LIMS1: variants seen among roughly 807,000 people sequenced by gnomAD.
The protein encoded by LIMS1 is LIM and senescent cell antigen-like-containing domain protein 1.
Under a neutral mutation model 44.1 loss-of-function variants are expected in LIMS1, and 18 were observed. The observed-to-expected ratio is 0.41, with a 90% confidence interval of 0.28 to 0.61. LIMS1 has a LOEUF of 0.61. Among genes scored for constraint, LIMS1 ranks in the 20% least tolerant of loss-of-function variants. The pLI is 0.32. For missense variants in LIMS1, 201 were observed against 422.0 expected, an observed-to-expected ratio of 0.48 and a Z score of 4.59; for synonymous variants, 93 against 149.1, an observed-to-expected ratio of 0.62 and a Z score of 2.74.
At chr2:108,643,147 C>T (rs898208830) in intron 1 of LIMS1, among the ~76,000 whole-genome samples, 1 of 152,208 alleles carries the variant, frequency 6.6e-6, no homozygotes, top group Non-Finnish European at 1.5e-5. Flanking sequence ...AAAGACCCAA[C>T]TTAGCCATGA....
At chr2:108,546,431 G>A (rs1684484489) in intron 1 of LIMS1, among the ~76,000 whole-genome samples, 1 of 151,938 alleles carries the variant, frequency 6.6e-6, no homozygotes, top group South Asian at 2.1e-4. Context: ...ACAGGTGTGA[G>A]CCACGGTGCC....
At chr2:108,645,910 C>T (rs772758164) in intron 1 of LIMS1, among the ~76,000 whole-genome samples, 1 of 151,652 alleles carries the variant, frequency 6.6e-6, no homozygotes, top group Non-Finnish European at 1.5e-5. Flanking sequence ...AAGGGCATTA[C>T]ATAATGGTAG....
chr2:108,677,381 T>C (rs1573622042), intron 7 of LIMS1: 2 of 153,356 alleles, frequency 1.3e-5, no homozygotes, highest in Admixed American at 1.3e-4. Flanking sequence ...TGGCAGGGCA[T>C]CTTCTCAGAA....
At chr2:108,642,801 G>A (rs1433881481) in intron 1 of LIMS1, among the ~76,000 whole-genome samples, 3 of 152,166 alleles carry the variant, frequency 2.0e-5, no homozygotes, top group Non-Finnish European at 4.4e-5. Flanking sequence ...TTTGTATTTG[G>A]CCATGGCTTA....
At chr2:108,609,865 G>A (rs149843847) in intron 1 of LIMS1, among the ~76,000 whole-genome samples, 3,055 of 152,060 alleles carry the variant, frequency 0.02, 61 homozygotes, top group African/African-American at 0.047. Flanking sequence ...TTTATTGGCC[G>A]GGCGCGGTGG....
intron 1 of LIMS1, among the ~76,000 whole-genome samples, chr2:108,568,882 A>AT (rs953621160): frequency 2.4e-4 from 36 of 151,682 alleles, no homozygotes; most frequent in Non-Finnish European, 4.1e-4. Context: ...AGGCTATTTG[A>AT]TTTTTTTTGG....
chr2:108,605,253 G>GTACCCACTGTCCAGT (rs1280293321), intron 1 of LIMS1, among the ~76,000 whole-genome samples: 4 of 152,292 alleles, frequency 2.6e-5, no homozygotes, highest in Non-Finnish European at 5.9e-5. Flanking sequence ...TGGTCCATGT[G>GTACCCACTGTCCAGT]GTACACTGTG....
chr2:108,610,937 A>C (rs796335254), intron 1 of LIMS1, among the ~76,000 whole-genome samples: 1 of 152,148 alleles, frequency 6.6e-6, no homozygotes, highest in East Asian at 1.9e-4. Context: ...GTCCTCACCT[A>C]GCTTCCCCTC....
At chr2:108,682,017 ATTCAT>A (rs149642306) in intron 9 of LIMS1, among the ~76,000 whole-genome samples, 3,899 of 152,258 alleles carry the variant, frequency 0.026, 124 homozygotes, top group South Asian at 0.14. Context: ...CTGTTTATGA[ATTCAT>A]TTCCTCAATG....
At chr2:108,538,448 T>C (rs531294834) in intron 1 of LIMS1, among the ~76,000 whole-genome samples, 1 of 152,262 alleles carries the variant, frequency 6.6e-6, no homozygotes, top group African/African-American at 2.4e-5. Context: ...AAGAGTGCAT[T>C]CTGTGAGAGG....
intron 1 of LIMS1, among the ~76,000 whole-genome samples, chr2:108,542,029 A>G (rs1362198092): frequency 6.6e-6 from 1 of 152,262 alleles, no homozygotes; most frequent in Non-Finnish European, 1.5e-5. Flanking sequence ...TATCCAAAGA[A>G]AAACAAGCTG....
chr2:108,611,866 TA>T (rs571147971), intron 1 of LIMS1, among the ~76,000 whole-genome samples: 2,914 of 142,540 alleles, frequency 0.02, 51 homozygotes, highest in Non-Finnish European at 0.025. Context: ...CACACATATA[TA>T]TACACATATA....
At chr2:108,681,427 C>CA (rs112775626) in intron 9 of LIMS1, 1,442 of 842,228 alleles carry the variant, frequency 1.7e-3, no homozygotes, top group South Asian at 1.9e-3. Flanking sequence ...ACATTTCTTT[C>CA]TTTTTTTTTT....
chr2:108,681,792 C>G (rs1693016206), intron 9 of LIMS1: 1 of 162,306 alleles, frequency 6.2e-6, no homozygotes, highest in Non-Finnish European at 1.3e-5. Flanking sequence ...CGTGGTGGCC[C>G]ATACCTATAG....
intron 1 of LIMS1, among the ~76,000 whole-genome samples, chr2:108,605,464 A>G (rs1285031321): frequency 3.3e-5 from 5 of 152,226 alleles, no homozygotes; most frequent in Admixed American, 3.3e-4. Context: ...AGCTCACTCA[A>G]AATACCTAAT....
chr2:108,662,874 C>G (rs1413309147), intron 2 of LIMS1: 1 of 553,474 alleles, frequency 1.8e-6, no homozygotes, highest in African/African-American at 2.1e-5. Context: ...TCTATTTTTT[C>G]TTTTCTCTAG....
At chr2:108,645,839 G>T (rs1245865517) in intron 1 of LIMS1, among the ~76,000 whole-genome samples, 1 of 150,092 alleles carries the variant, frequency 6.7e-6, no homozygotes, top group Non-Finnish European at 1.5e-5. Flanking sequence ...AAAAAACCCA[G>T]GAGTTGCAAT....
chr2:108,617,055 T>C (rs920865545), intron 1 of LIMS1, among the ~76,000 whole-genome samples: 2 of 152,218 alleles, frequency 1.3e-5, no homozygotes, highest in African/African-American at 4.8e-5. Context: ...GGGAAATTAA[T>C]GGCCTGGAAA....
intron 1 of LIMS1, among the ~76,000 whole-genome samples, chr2:108,634,450 T>A: frequency 6.6e-6 from 1 of 152,230 alleles, no homozygotes. Flanking sequence ...ATTTTAGGTT[T>A]TTCTCAATCC....
Sources: gnomAD v4.1 joint callset for allele counts (sites outside exome capture counted in the v4.1 genomes callset) on GRCh38, gnomAD v4.1.1 for gene constraint, MANE v1.5 for transcripts, NCBI Gene and HGNC (gene_info 2026-07-23, HGNC 2026-07-21) for gene names.